RFX1: variants seen among roughly 807,000 people sequenced by gnomAD.
The protein encoded by RFX1 is MHC class II regulatory factor RFX1.
In RFX1, 42 loss-of-function variants were observed where a neutral mutation model predicts 119.6. The ratio of observed to expected loss-of-function variants is 0.35; its 90% CI spans 0.27 to 0.45. The LOEUF (loss-of-function observed/expected upper bound fraction) is 0.45, where lower values mean the gene tolerates loss of function less well. Among genes scored for constraint, RFX1 ranks in the 20% least tolerant of loss-of-function variants. The pLI is 1.00. For synonymous variants in RFX1, 628 were observed against 618.5 expected (o/e 1.02, Z -0.23); for missense variants, 1,118 against 1,368.1 (o/e 0.82, Z 2.88).
Position 13,962,558 on chromosome 19 carries a change from G to C in RFX1, c.*137C>G. On this transcript the variant is annotated 3_prime_UTR_variant, in exon 21 of 21. Transcript: ENST00000254325. ...TGTGCCGGCCCCATAAGGGAGGAGGGCCCCGGTCTTCCCTGTCTCGGAGTC... is the reference window on the plus strand; with the variant it reads ...TGTGCCGGCCCCATAAGGGAGGAGGCCCCCGGTCTTCCCTGTCTCGGAGTC... The C allele has an allele frequency of 1.4e-6, 1 of 691,616 alleles. No individual in the cohort carries two copies. Among genetic ancestry groups the C allele is most frequent in the Non-Finnish European group, 2.3e-6 (1 of 436,538 alleles). The allele number at this position is 691,616 out of a possible 1,614,324, so 42.8% of individuals were successfully genotyped here. A position where few individuals can be genotyped will look rare whatever the true frequency, so the allele number is the denominator to read the frequency against.
rs752540965 is a variant in RFX1 at position 13,963,641 on chromosome 19, C to A, written c.2467G>T (p.Ala823Ser). 3.1e-6 allele frequency: 5 copies of A among 1,601,758 alleles called. No individual in the cohort carries two copies. The South Asian group carries it at 5.6e-5, about 18-fold the overall frequency. ...QQQNSLEQWA[A>S]WLDGVVSQVL... Reference sequence around the variant, plus strand: ...TGGCTCACCACGCCGTCCAGCCAGGCCGCCCACTGCTCCAGCGAGTTCTGC... The same window carrying A: ...TGGCTCACCACGCCGTCCAGCCAGGACGCCCACTGCTCCAGCGAGTTCTGC... The change falls in exon 18 of 21, where the codon GCC becomes TCC. Residue 823 changes from alanine to serine, a missense_variant. Ala to Ser is a moderately conservative substitution (Grantham distance 99). This residue lies in a region of RFX1 where 68 missense variants were observed against 67.2 expected (regional missense o/e 1.01). Transcript: ENST00000254325.
chr19:13,986,498 C>T lies in RFX1; in HGVS notation c.320-2903G>A, dbSNP rs1484376775. Among the ~76,000 whole-genome samples the T allele has an allele frequency of 6.6e-6, 1 of 152,162 alleles. No homozygotes were observed. The highest frequency in any genetic ancestry group is 1.5e-5 in the Non-Finnish European group (1 of 68,004). On this transcript the variant is annotated intron_variant, in intron 2 of 20. Coordinates refer to ENST00000254325, the MANE Select transcript of RFX1 (RefSeq NM_002918.5). The surrounding 1 kb of genome is among the most constrained non-coding windows in gnomAD (Gnocchi z 4.2). ...GCAGCCATCCCTGTCTGCCTGCGGC[C>T]GGGGCAGGGCCCCTCCACCACTGGG...
rs917383299 is a variant in RFX1, at chr19:14,006,209, G to T, written c.-159C>A. On this transcript the variant is annotated 5_prime_UTR_variant, in exon 1 of 21. Transcript: ENST00000254325. ...GGGGTCCCCGGGCCGGGCCTGGGGG[G>T]TGGGGGTGGGGGTCGGCCGGGCGGT... 1 of 152,214 alleles carries T rather than the reference G, an allele frequency of 6.6e-6. No individual in the cohort carries two copies. The highest frequency in any genetic ancestry group is 1.9e-4 in the East Asian group (1 of 5,172). The allele number at this position is 152,214 out of a possible 1,614,324, so 9.4% of individuals were successfully genotyped here.
chr19:13,972,656 G>T, intron 9 of RFX1, 87 bp downstream of exon 9: 1 of 1,034,878 alleles, frequency 9.7e-7, no homozygotes, highest in Non-Finnish European at 1.4e-6. Flanking sequence ...GCTAGCGGTG[G>T]TTGGTAACCA....
chr19:13,996,816 C>G (rs147820754), intron 1 of RFX1, among the ~76,000 whole-genome samples: 1 of 150,978 alleles, frequency 6.6e-6, no homozygotes, highest in African/African-American at 2.4e-5. Flanking sequence ...TCTGCCCCCA[C>G]GGGTTCAAGT....
chr19:13,992,692 T>C (rs1974845465), intron 2 of RFX1, among the ~76,000 whole-genome samples: 2 of 152,076 alleles, frequency 1.3e-5, no homozygotes, highest in Non-Finnish European at 1.5e-5. Context: ...GATGATCCCA[T>C]CACAAATGAG....
chr19:13,996,632 G>C (rs1975031125), intron 1 of RFX1, among the ~76,000 whole-genome samples: 2 of 152,110 alleles, frequency 1.3e-5, no homozygotes, highest in Admixed American at 1.3e-4. Context: ...CTGGTGAGGG[G>C]GGATTGAACC....
Position 13,968,652 on chromosome 19 carries a change from T to C in RFX1, c.1645A>G (p.Met549Val). The change falls in exon 12 of 21, where the codon ATG becomes GTG. Residue 549 changes from methionine to valine, a missense_variant. Transcript: ENST00000254325. This position sits in a 1 kb window ranked among gnomAD's most constrained non-coding sequence, Gnocchi z 5.5. ...RLKPIQKMEG[M>V]TNGVAVGQQP... ...TGCCCCACCGCCACGCCGTTGGTCA[T>C]GCCTTCCATCTTCTGGATGGGCTTG... is the stretch of plus-strand genomic sequence containing the variant. 1.2e-6 allele frequency: 2 copies of C among 1,613,322 alleles called. No homozygotes were observed. The highest frequency in any genetic ancestry group is 8.5e-7 in the Non-Finnish European group (1 of 1,179,954).
Position 13,970,009 on chromosome 19 carries a change from C to T in RFX1, c.1481G>A (p.Arg494His). 1 of 1,611,000 alleles carries T rather than the reference C, an allele frequency of 6.2e-7. No homozygotes were observed. The highest frequency in any genetic ancestry group is 8.5e-7 in the Non-Finnish European group (1 of 1,178,366). The change falls in exon 10 of 21, where the codon CGC becomes CAC. Residue 494 changes from arginine to histidine, a missense_variant. This residue lies in a region of RFX1 where 338 missense variants were observed against 508.9 expected (regional missense o/e 0.66). Transcript: ENST00000254325. Reference protein sequence around the residue: ...IRSVFMGLRTRRLGTRGNSKY... With the variant: ...IRSVFMGLRTHRLGTRGNSKY... ...ATGGCCCTACCTGGTGCCCAGACGG[C>T]GGGTTCGCAGGCCCATGAAGACGGA...
In RFX1 at chr19:13,983,265, C is replaced by T. The variant is rs912071272; in HGVS notation, c.435G>A (p.Leu145=). 3.9e-6 allele frequency: 6 copies of T among 1,556,004 alleles called. No homozygotes were observed. The highest frequency in any genetic ancestry group is 4.3e-6 in the Non-Finnish European group (5 of 1,155,502). ...VQQVQGTQQR[L]LVQTSVQAKP... The stretch of plus-strand genomic sequence containing the variant: ...TGGCCTGCACGCTCGTCTGGACCAG[C>T]AGCCGCTGTGGAGACAAGGCAGGAG... The change falls in exon 4 of 21, where the codon CTG becomes CTA. Residue 145 remains leucine (L), a synonymous_variant. Transcript: ENST00000254325.
chr19:13,966,433 G>C lies in RFX1; in HGVS notation c.1949C>G (p.Pro650Arg). Reference sequence around the variant, plus strand: ...GGGCAGTACTCACACAGCCAGCGGTGGCGCCTCACTGGGCTGGCTGAGGTT... The same window carrying C: ...GGGCAGTACTCACACAGCCAGCGGTCGCGCCTCACTGGGCTGGCTGAGGTT... ...RYNLSQPSEA[P>R]PLAVHDEAEK... The change falls in exon 14 of 21, where the codon CCA becomes CGA. Residue 650 changes from proline (P) to arginine (R), a missense_variant. Physicochemically the swap from Pro to Arg is moderately radical, Grantham distance 103. This residue lies in a region of RFX1 where 338 missense variants were observed against 508.9 expected (regional missense o/e 0.66). Coordinates refer to ENST00000254325, the MANE Select transcript of RFX1 (RefSeq NM_002918.5). This position sits in a 1 kb window ranked among gnomAD's most constrained non-coding sequence, Gnocchi z 6.3. The C allele has an allele frequency of 6.2e-7, 1 of 1,609,440 alleles. No homozygotes were observed.
At position 13,990,644 on chromosome 19, in the gene RFX1, C is replaced by G. The variant is rs1274947452; in HGVS notation, c.319+2881G>C. 6.6e-6 allele frequency among the ~76,000 whole-genome samples: 1 copy of G among 152,070 alleles called. No homozygotes were observed. ...CATCCTGGCTAACACAGTGAAACCC[C>G]GTCTCTACTAAAAATACAAAAAATT... On this transcript the variant is annotated intron_variant, in intron 2 of 20. Coordinates refer to ENST00000254325, the MANE Select transcript of RFX1 (RefSeq NM_002918.5). This position sits in a 1 kb window ranked among gnomAD's most constrained non-coding sequence, Gnocchi z 4.1.
intron 5 of RFX1, 79 bp downstream of exon 5, chr19:13,982,041 GC>G: frequency 1.6e-6 from 1 of 624,830 alleles, no homozygotes; most frequent in Non-Finnish European, 2.4e-6. Flanking sequence ...GGGGCAGGGA[GC>G]CCCAAATATA....
At chr19:13,981,961 T>C (rs1974442479) in intron 5 of RFX1, among the ~76,000 whole-genome samples, 160 bp downstream of exon 5, 1 of 152,042 alleles carries the variant, frequency 6.6e-6, no homozygotes, top group South Asian at 2.1e-4. Context: ...CTACCTGGGG[T>C]CAACAAGGGC....
At position 13,963,946 on chromosome 19, in the gene RFX1, G is replaced by A. The variant is rs1183179159; in HGVS notation, c.2273C>T (p.Ala758Val). Reference sequence around the variant, plus strand: ...CTGCAGCACAGCGCGCGCCGCCTGCGCCAGGTGGTTGAGCGACGTGTAGCG... The same window carrying A: ...CTGCAGCACAGCGCGCGCCGCCTGCACCAGGTGGTTGAGCGACGTGTAGCG... ...LRRYTSLNHL[A>V]QAARAVLQNT... is the part of the protein sequence containing the mutation. The change falls in exon 17 of 21, where the codon GCG becomes GTG. Residue 758 changes from alanine to valine, a missense_variant. This residue lies in a region of RFX1 where 338 missense variants were observed against 508.9 expected (regional missense o/e 0.66). Coordinates refer to ENST00000254325, the MANE Select transcript of RFX1 (RefSeq NM_002918.5). 2 of 1,544,720 alleles carry A rather than the reference G, an allele frequency of 1.3e-6. No individual in the cohort carries two copies. Among genetic ancestry groups the A allele is most frequent in the Non-Finnish European group, 1.7e-6 (2 of 1,147,380 alleles).
chr19:13,983,353 C>T, intron 3 of RFX1, 83 bp from the exon 4 acceptor site: 1 of 1,307,678 alleles, frequency 7.6e-7, no homozygotes, highest in Non-Finnish European at 1.1e-6. Context: ...GGCTGCTGTG[C>T]ACATCTTGAT....
rs527312154 is a variant in RFX1 at position 13,963,459 on chromosome 19, C to G, written c.2570+79G>C. 2.7e-6 allele frequency: 4 copies of G among 1,472,766 alleles called. No individual in the cohort carries two copies. In the South Asian group the frequency reaches 3.6e-5, roughly 13 times the overall value. 91.2% of individuals were successfully genotyped at this position (1,472,766 alleles called of 1,614,324 possible). Reference sequence around the variant, plus strand: ...CGCCCAGCCTGCAGGCTCGGGTCGTCGTAGAAGAGCACCTGAGACCCCCAG... The same window carrying G: ...CGCCCAGCCTGCAGGCTCGGGTCGTGGTAGAAGAGCACCTGAGACCCCCAG... On this transcript the variant is annotated intron_variant, in intron 18 of 20. Coordinates refer to ENST00000254325, the MANE Select transcript of RFX1 (RefSeq NM_002918.5).
Position 13,966,273 on chromosome 19 carries a change from T to A in RFX1, c.1961+148A>T, listed in dbSNP as rs553227589. 58 of 587,132 alleles carry A rather than the reference T, an allele frequency of 9.9e-5. No individual in the cohort carries two copies. The highest frequency in any genetic ancestry group is 4.6e-4 in the Admixed American group (15 of 32,354). 36.4% of individuals were successfully genotyped at this position (587,132 alleles called of 1,614,324 possible). ...CCACCCCCGACTGTTGAGTGTCGGG[T>A]GGCTATACACACTCCACACAGCCAA... On this transcript the variant is annotated intron_variant, in intron 14 of 20. Transcript: ENST00000254325. The surrounding 1 kb of genome is among the most constrained non-coding windows in gnomAD (Gnocchi z 6.3).
intron 1 of RFX1, among the ~76,000 whole-genome samples, chr19:14,005,672 T>C (rs1413777737): frequency 6.6e-6 from 1 of 152,146 alleles, no homozygotes; most frequent in Non-Finnish European, 1.5e-5. Context: ...GCGGACCGGG[T>C]GGTGGCTGCC....
Sources: allele counts gnomAD v4.1 joint callset (sites outside exome capture counted in the v4.1 genomes callset), GRCh38; gene constraint gnomAD v4.1.1; regional missense constraint gnomAD v4.1.1; non-coding constraint Gnocchi (gnomAD v3.1); transcripts MANE v1.5; gene names NCBI Gene and HGNC (gene_info 2026-07-23, HGNC 2026-07-21).